Variants in CTNNA2 observed in about 807,000 individuals in gnomAD.
The protein encoded by CTNNA2 is catenin alpha-2.
CTNNA2 carries 42 observed loss-of-function variants against 101.0 expected under a neutral mutation model. The ratio of observed to expected loss-of-function variants is 0.42; its 90% CI spans 0.32 to 0.54. The LOEUF is 0.54. Ranked by LOEUF, CTNNA2 falls within the 20% of genes least tolerant of loss-of-function variation. The pLI, the probability that CTNNA2 is intolerant of heterozygous loss-of-function variation, is 0.14. For missense variants in CTNNA2, 871 were observed against 1,223.1 expected (o/e 0.71, Z 4.29); for synonymous variants, 450 against 456.4 (o/e 0.99, Z 0.18).
At chr2:80,102,984 G>A (rs1293617510) in intron 7 of CTNNA2, among the ~76,000 whole-genome samples, 1 of 152,156 alleles carries the variant, frequency 6.6e-6, no homozygotes, top group Non-Finnish European at 1.5e-5. Flanking sequence ...CACTACCAGT[G>A]CTGCAAGAGT....
At chr2:79,530,415 G>GA (rs1672666256) in intron 1 of CTNNA2, among the ~76,000 whole-genome samples, 1 of 152,128 alleles carries the variant, frequency 6.6e-6, no homozygotes, top group Non-Finnish European at 1.5e-5. Flanking sequence ...TCTCTTTACT[G>GA]AGAAACCATT....
chr2:79,453,800 T>G (rs1047889443), intron 4 of CTNNA2, among the ~76,000 whole-genome samples: 1 of 152,126 alleles, frequency 6.6e-6, no homozygotes, highest in Non-Finnish European at 1.5e-5. Flanking sequence ...GGTGCAGTGA[T>G]TAACAAAATT....
chr2:80,030,425 A>G (rs1391798218), intron 7 of CTNNA2: 3 of 152,260 alleles, frequency 2.0e-5, no homozygotes, highest in South Asian at 2.1e-4. Flanking sequence ...TTTCCTTGAC[A>G]CTGAGTAGCA....
chr2:79,779,213 G>T (rs144280731), intron 3 of CTNNA2, among the ~76,000 whole-genome samples: 82 of 152,098 alleles, frequency 5.4e-4, no homozygotes, highest in Non-Finnish European at 1.0e-3. Flanking sequence ...GGTTGGAACT[G>T]CCTTTCAGGA....
intron 7 of CTNNA2, among the ~76,000 whole-genome samples, chr2:80,030,058 A>G (rs1353964513): frequency 6.6e-6 from 1 of 152,128 alleles, no homozygotes; most frequent in Non-Finnish European, 1.5e-5. Context: ...GGAAAACACA[A>G]GCTGAAAACA....
intron 7 of CTNNA2, among the ~76,000 whole-genome samples, chr2:80,120,292 C>G (rs1701759672): frequency 6.6e-6 from 1 of 152,068 alleles, no homozygotes; most frequent in African/African-American, 2.4e-5. Flanking sequence ...TATATGGGTG[C>G]AATTTTACTG....
At chr2:79,663,786 G>A (rs1046683875) in intron 2 of CTNNA2, among the ~76,000 whole-genome samples, 1 of 152,288 alleles carries the variant, frequency 6.6e-6, no homozygotes, top group Non-Finnish European at 1.5e-5. Flanking sequence ...GTCTCATGTA[G>A]ATAGAAATGA....
intron 4 of CTNNA2, among the ~76,000 whole-genome samples, chr2:79,385,709 G>A (rs1371769972): frequency 6.6e-6 from 1 of 151,916 alleles, no homozygotes; most frequent in Non-Finnish European, 1.5e-5. Context: ...ACAGGCCCGG[G>A]TGTGTGATGT....
At position 79,870,098 on chromosome 2, in the gene CTNNA2, C is replaced by T. The variant is rs1168204444; in HGVS notation, c.585+163C>T. Among the ~76,000 whole-genome samples the T allele has an allele frequency of 2.0e-5, 3 of 152,280 alleles. No homozygotes were observed. The East Asian group carries it at 5.8e-4, about 29-fold the overall frequency. On this transcript the variant is annotated intron_variant, in intron 5 of 18. Transcript: ENST00000402739. ...TTCCTGCAGGGGCCAGTTGTGATGC[C>T]TTGGTGGGCTCTGGACCACTCTCTG...
chr2:80,277,024 G>T (rs1011710030), intron 7 of CTNNA2, among the ~76,000 whole-genome samples: 1 of 152,148 alleles, frequency 6.6e-6, no homozygotes, highest in African/African-American at 2.4e-5. Context: ...ACAAACTGAA[G>T]AAAAATTTGG....
At chr2:80,598,102 T>C (rs1350313232) in intron 15 of CTNNA2, among the ~76,000 whole-genome samples, 33 of 152,228 alleles carry the variant, frequency 2.2e-4, no homozygotes, top group Admixed American at 2.0e-3. Context: ...CTAGCACATA[T>C]ACACCATGGA....
chr2:80,498,051 G>C (rs899206584), intron 9 of CTNNA2, among the ~76,000 whole-genome samples: 33 of 152,178 alleles, frequency 2.2e-4, no homozygotes, highest in African/African-American at 7.2e-4. Flanking sequence ...TATTTGTTAT[G>C]CAACAATAAA....
At chr2:79,593,010 G>A (rs906102831) in intron 1 of CTNNA2, among the ~76,000 whole-genome samples, 7 of 152,158 alleles carry the variant, frequency 4.6e-5, no homozygotes, top group Non-Finnish European at 7.3e-5. Context: ...ATAGTTTTCC[G>A]TCTATAAAGG....
At chr2:80,605,582 T>G (rs1164313018) in intron 16 of CTNNA2, 1 of 151,800 alleles carries the variant, frequency 6.6e-6, no homozygotes, top group Admixed American at 6.6e-5. Flanking sequence ...TATATAAGGG[T>G]TGCTCCTCTA....
intron 2 of CTNNA2, among the ~76,000 whole-genome samples, chr2:79,703,449 C>T (rs1258809677): frequency 6.6e-6 from 1 of 152,114 alleles, no homozygotes; most frequent in Non-Finnish European, 1.5e-5. Flanking sequence ...TAAGTGAAAT[C>T]CTTTCTCCTA....
In CTNNA2 at chr2:79,201,295, C is replaced by A. The variant is rs72915137; in HGVS notation, c.-406+3219C>A. ...ACACAATTTATATAATTACTGAGCA[C>A]TCTAATGGTAAGGAGAAATTAAGAC... On this transcript the variant is annotated intron_variant, in intron 2 of 21. Transcript: ENST00000466387. Among the ~76,000 whole-genome samples the A allele has an allele frequency of 3.3e-5, 5 of 152,222 alleles. No individual in the cohort carries two copies. In the South Asian group the frequency reaches 1.0e-3, roughly 32 times the overall value.
chr2:79,890,525 C>A (rs1388581977), intron 6 of CTNNA2, among the ~76,000 whole-genome samples: 1 of 151,952 alleles, frequency 6.6e-6, no homozygotes, highest in African/African-American at 2.4e-5. Context: ...TTTCTCCATC[C>A]ATCTGTTTGA....
chr2:80,079,885 T>TAAAATAAAATAAA (rs1558788197), intron 7 of CTNNA2, among the ~76,000 whole-genome samples: 28 of 127,510 alleles, frequency 2.2e-4, no homozygotes, highest in Admixed American at 8.9e-4. Flanking sequence ...AATAAAATAA[T>TAAAATAAAATAAA]AAAATAAAAT....
At chr2:80,255,594 G>C (rs1029457030) in intron 7 of CTNNA2, among the ~76,000 whole-genome samples, 1 of 152,078 alleles carries the variant, frequency 6.6e-6, no homozygotes. Flanking sequence ...TCAAACTCGC[G>C]GGCCTTGTCT....
Sources: allele counts gnomAD v4.1 joint callset (sites outside exome capture counted in the v4.1 genomes callset), GRCh38; gene constraint gnomAD v4.1.1; transcripts MANE v1.5; gene names NCBI Gene and HGNC (gene_info 2026-07-23, HGNC 2026-07-21).